The following ANGPT4 variants were observed in gnomAD, a reference collection of about 807,000 sequenced individuals.
ANGPT4 encodes the protein angiopoietin 4.
A neutral mutation model predicts 53.0 loss-of-function variants in ANGPT4; 50 were observed. The ratio of observed to expected loss-of-function variants is 0.94; its 90% CI spans 0.75 to 1.20. The LOEUF (loss-of-function observed/expected upper bound fraction) is 1.20. Ranked by LOEUF, ANGPT4 falls within the 50% of genes most tolerant of loss-of-function variation. The probability of loss-of-function intolerance (pLI) is 0.00; values close to 1 mark genes in which losing one functional copy is unlikely to be tolerated. For missense variants in ANGPT4, 648 were observed against 637.1 expected, an observed-to-expected ratio of 1.02 and a Z score of -0.18; for synonymous variants, 251 against 259.7, an observed-to-expected ratio of 0.97 and a Z score of 0.32.
At chr20:892,594 C>CA (rs59076723) in intron 1 of ANGPT4, among the ~76,000 whole-genome samples, 60,858 of 131,532 alleles carry the variant, frequency 0.46, 14,127 homozygotes, top group East Asian at 0.62. Flanking sequence ...GACCGTGTCT[C>CA]AAAAAAAAAA....
At chr20:912,709 G>T (rs775587762) in intron 1 of ANGPT4, among the ~76,000 whole-genome samples, 1 of 152,026 alleles carries the variant, frequency 6.6e-6, no homozygotes, top group African/African-American at 2.4e-5. Flanking sequence ...GAGAGAAGAG[G>T]TGAGGCCGGG....
intron 1 of ANGPT4, among the ~76,000 whole-genome samples, chr20:891,347 G>C (rs1981840713): frequency 6.6e-6 from 1 of 152,198 alleles, no homozygotes; most frequent in Admixed American, 6.5e-5. Context: ...GGTTCTCCCA[G>C]CTCTGATGTT....
At chr20:915,285 C>T (rs1277925979) in intron 1 of ANGPT4, among the ~76,000 whole-genome samples, 2 of 151,046 alleles carry the variant, frequency 1.3e-5, no homozygotes, top group Non-Finnish European at 2.9e-5. Flanking sequence ...CGCACCCTTG[C>T]TCCCTCTCCT....
At chr20:915,248 G>A (rs895216213) in intron 1 of ANGPT4, among the ~76,000 whole-genome samples, 1 of 148,206 alleles carries the variant, frequency 6.7e-6, no homozygotes, top group South Asian at 2.1e-4. Context: ...TGCATGGCCT[G>A]CCCTGCTGTC....
chr20:890,169 G>T (rs2122805560), intron 2 of ANGPT4, 44 bp downstream of exon 2: 1 of 1,593,442 alleles, frequency 6.3e-7, no homozygotes, highest in East Asian at 2.2e-5. Context: ...AACCAGCCTG[G>T]CCAGCCACAG....
chr20:900,408 A>T (rs1454490042), intron 1 of ANGPT4, among the ~76,000 whole-genome samples: 1 of 151,956 alleles, frequency 6.6e-6, no homozygotes, highest in African/African-American at 2.4e-5. Context: ...AACCTTTAGT[A>T]CTCCTTCTCA....
intron 1 of ANGPT4, among the ~76,000 whole-genome samples, chr20:901,240 G>T (rs1206704308): frequency 2.0e-5 from 3 of 152,138 alleles, no homozygotes; most frequent in South Asian, 2.1e-4. Flanking sequence ...AGGCCTCTGA[G>T]CCCAAGCCTG....
intron 7 of ANGPT4, among the ~76,000 whole-genome samples, chr20:874,691 T>C (rs1312122217): frequency 6.6e-6 from 1 of 152,188 alleles, no homozygotes; most frequent in Non-Finnish European, 1.5e-5. Flanking sequence ...ATGGTCACAA[T>C]AATGATAATA....
chr20:909,617 C>G (rs965898730), intron 1 of ANGPT4, among the ~76,000 whole-genome samples: 1 of 152,166 alleles, frequency 6.6e-6, no homozygotes, highest in Admixed American at 6.5e-5. Context: ...ATGTGCATTG[C>G]CTCATTTAAT....
At chr20:875,780 T>C (rs1183868303) in intron 7 of ANGPT4, among the ~76,000 whole-genome samples, 2 of 151,438 alleles carry the variant, frequency 1.3e-5, no homozygotes, top group Admixed American at 6.6e-5. Context: ...TATGGCAGGG[T>C]TGGGGGAGGC....
intron 4 of ANGPT4, among the ~76,000 whole-genome samples, chr20:884,443 G>T (rs1391827003): frequency 6.6e-6 from 1 of 152,218 alleles, no homozygotes; most frequent in Non-Finnish European, 1.5e-5. Context: ...CACAGTAAGT[G>T]CTTAGTAAAT....
At chr20:903,459 T>C (rs1329019295) in intron 1 of ANGPT4, among the ~76,000 whole-genome samples, 1 of 152,198 alleles carries the variant, frequency 6.6e-6, no homozygotes, top group Non-Finnish European at 1.5e-5. Context: ...TCCTTGATAC[T>C]GTCAGCATCT....
chr20:915,966 G>A lies in ANGPT4; in HGVS notation c.249C>T (p.Pro83=), dbSNP rs781235665. ...LANPLHLGKL[P]TQQVKQLEQA... is the part of the protein sequence containing the mutation. ...GCTCCAGCTGTTTCACCTGCTGGGT[G>A]GGCAACTTCCCCAGGTGCAGTGGGT... The change falls in exon 1 of 9, where the codon CCC becomes CCT. Residue 83 remains proline, a synonymous_variant. Coordinates refer to ENST00000381922, the MANE Select transcript of ANGPT4 (RefSeq NM_015985.4). 1.2e-6 allele frequency: 2 copies of A among 1,609,692 alleles called. 1 individual carries two copies. Among genetic ancestry groups the A allele is most frequent in the South Asian group, 2.2e-5 (2 of 90,888 alleles).
chr20:915,349 C>G (rs1210112542), intron 1 of ANGPT4, among the ~76,000 whole-genome samples: 1 of 152,170 alleles, frequency 6.6e-6, no homozygotes, highest in Admixed American at 6.5e-5. Flanking sequence ...CACACCGCTG[C>G]GGATGCATTC....
At chr20:878,723 C>T (rs1600042555) in intron 6 of ANGPT4, among the ~76,000 whole-genome samples, 1 of 152,210 alleles carries the variant, frequency 6.6e-6, no homozygotes, top group Non-Finnish European at 1.5e-5. Flanking sequence ...TAAAGGCTCA[C>T]TGAGCCTTAC....
At chr20:895,873 T>C (rs1982027239) in intron 1 of ANGPT4, among the ~76,000 whole-genome samples, 1 of 149,372 alleles carries the variant, frequency 6.7e-6, no homozygotes, top group South Asian at 2.1e-4. Context: ...AATCTGTGAT[T>C]GCCAGGGCCT....
intron 1 of ANGPT4, among the ~76,000 whole-genome samples, chr20:902,223 A>G (rs941226114): frequency 6.6e-6 from 1 of 152,202 alleles, no homozygotes; most frequent in African/African-American, 2.4e-5. Flanking sequence ...GAGAGTGTAT[A>G]CAGGTATAAT....
At chr20:881,561 C>T (rs6039033) in intron 4 of ANGPT4, among the ~76,000 whole-genome samples, 22,110 of 152,134 alleles carry the variant, frequency 0.15, 1,773 homozygotes, top group South Asian at 0.22. Flanking sequence ...CTAGTGTGTG[C>T]AGAGGACAGG....
At chr20:879,654 G>C (rs528567403) in intron 6 of ANGPT4, 93 bp downstream of exon 6, 1 of 966,196 alleles carries the variant, frequency 1.0e-6, no homozygotes, top group East Asian at 2.9e-5. Context: ...TTTTCTGGGG[G>C]AGGAATGAGG....
Sources: allele counts gnomAD v4.1 joint callset (sites outside exome capture counted in the v4.1 genomes callset), GRCh38; gene constraint gnomAD v4.1.1; transcripts MANE v1.5; gene names NCBI Gene and HGNC (gene_info 2026-07-23, HGNC 2026-07-21).